GRIN2B: variants seen among roughly 807,000 people sequenced by gnomAD.
GRIN2B encodes the protein glutamate ionotropic receptor NMDA type subunit 2B.
GRIN2B carries 5 observed loss-of-function variants against 114.5 expected under a neutral mutation model. The ratio of observed to expected loss-of-function variants is 0.04; its 90% CI spans 0.02 to 0.09. GRIN2B has a LOEUF of 0.09. GRIN2B is among the 10% of genes least tolerant of loss of function. The pLI is 1.00. For missense variants in GRIN2B, 1,108 were observed against 1,943.5 expected, an observed-to-expected ratio of 0.57 and a Z score of 8.08; for synonymous variants, 787 against 745.1, an observed-to-expected ratio of 1.06 and a Z score of -0.92.
At chr12:13,715,964 C>T (rs1166883645) in intron 4 of GRIN2B, among the ~76,000 whole-genome samples, 1 of 151,866 alleles carries the variant, frequency 6.6e-6, no homozygotes, top group Admixed American at 6.6e-5. Context: ...GCTTACAACT[C>T]CCATAATATC....
At position 13,562,490 on chromosome 12, in the gene GRIN2B, C is replaced by T. The variant is rs199764468; in HGVS notation, c.*293G>A. On this transcript the variant is annotated 3_prime_UTR_variant, in exon 14 of 14. Transcript: ENST00000609686. ...AGGAGGAAGCCCGCATGCAGCCCTT[C>T]CTTTCTCCGCTCTACCCTCCCCTGC... 1.9e-4 allele frequency: 75 copies of T among 404,072 alleles called. No individual in the cohort carries two copies. Among genetic ancestry groups the T allele is most frequent in the Admixed American group, 1.6e-4 (4 of 25,156 alleles). The allele number at this position is 404,072 out of a possible 1,614,324, so 25.0% of individuals were successfully genotyped here. A position where few individuals can be genotyped will look rare whatever the true frequency, so the allele number is the denominator to read the frequency against.
At chr12:13,680,436 T>TTGTGTGTGTGTGTGTGTG (rs56755720) in intron 4 of GRIN2B, among the ~76,000 whole-genome samples, 20 of 123,570 alleles carry the variant, frequency 1.6e-4, no homozygotes, top group Admixed American at 1.3e-3. Context: ...CCCATCAAGG[T>TTGTGTGTGTGTGTGTGTG]TGTGTGTGTG....
In GRIN2B at chr12:13,575,673, CAAT is replaced by C. The variant is rs58985272; in HGVS notation, c.2011-3712_2011-3710del. 1.0e-4 allele frequency among the ~76,000 whole-genome samples: 15 copies of C among 147,680 alleles called. No homozygotes were observed. The South Asian group carries it at 1.1e-3, about 11-fold the overall frequency. On this transcript the variant is annotated intron_variant, in intron 10 of 13. Transcript: ENST00000609686. ...GACCCTGTCTCCAAAATGATAACAA[CAAT>C]AATAATAATAATAATAATAATCAAA... is the stretch of plus-strand genomic sequence containing the variant.
At position 13,616,467 on chromosome 12, in the gene GRIN2B, C is replaced by A. The variant is rs752720799; in HGVS notation, c.1316G>T (p.Arg439Leu). 3 of 1,612,702 alleles carry A rather than the reference C, an allele frequency of 1.9e-6. No individual in the cohort carries two copies. Among genetic ancestry groups the A allele is most frequent in the South Asian group, 1.1e-5 (1 of 91,054 alleles). ...GAGGATGCCATACTCAGTGACTATG[C>A]GTTTTTGGCAGGGGACTGTGTTCCT... ...CMRNTVPCQK[R>L]IVTENKTDEE... The change falls in exon 6 of 14, where the codon CGC becomes CTC. Residue 439 changes from arginine to leucine, a missense_variant. Arg to Leu is a moderately radical substitution (Grantham distance 102). Around this residue, in one of 19 missense-constraint regions of GRIN2B, gnomAD observed 26 missense variants for 23.5 expected, o/e 1.11. Transcript: ENST00000609686.
intron 2 of GRIN2B, among the ~76,000 whole-genome samples, chr12:13,914,327 C>T (rs1866674578): frequency 6.6e-6 from 1 of 152,122 alleles, no homozygotes; most frequent in Non-Finnish European, 1.5e-5. Context: ...GCCTCTTAGT[C>T]TCAGCTTTTT....
intron 5 of GRIN2B, among the ~76,000 whole-genome samples, chr12:13,644,773 T>A (rs1488031613): frequency 1.3e-5 from 2 of 152,202 alleles, no homozygotes; most frequent in Non-Finnish European, 2.9e-5. Context: ...TTTTATGTTA[T>A]GAACATGGCT....
At chr12:13,834,218 T>TTTTTTTTC (rs1565555844) in intron 3 of GRIN2B, among the ~76,000 whole-genome samples, 1 of 146,516 alleles carries the variant, frequency 6.8e-6, no homozygotes, top group African/African-American at 2.6e-5. Context: ...TTTTTTTTTT[T>TTTTTTTTC]AGTAGAGATG....
At chr12:13,842,456 A>G (rs971458016) in intron 3 of GRIN2B, among the ~76,000 whole-genome samples, 2 of 149,672 alleles carry the variant, frequency 1.3e-5, no homozygotes, top group African/African-American at 2.4e-5. Context: ...GCTCAAATTC[A>G]ATCTTCCTCA....
intron 5 of GRIN2B, among the ~76,000 whole-genome samples, chr12:13,657,312 G>A (rs1226059545): frequency 1.3e-5 from 2 of 152,280 alleles, no homozygotes; most frequent in East Asian, 1.9e-4. Context: ...GCTTTTCCAT[G>A]TTCTAAAAGC....
At chr12:13,688,394 T>G (rs1950188831) in intron 4 of GRIN2B, among the ~76,000 whole-genome samples, 1 of 152,150 alleles carries the variant, frequency 6.6e-6, no homozygotes, top group African/African-American at 2.4e-5. Context: ...CACACAGGCT[T>G]TTTACAGCCC....
At chr12:13,838,234 A>G (rs947946662) in intron 3 of GRIN2B, among the ~76,000 whole-genome samples, 7 of 152,300 alleles carry the variant, frequency 4.6e-5, no homozygotes, top group Admixed American at 3.9e-4. Flanking sequence ...TCTCCTCAAG[A>G]CAAAGCCTGA....
intron 2 of GRIN2B, among the ~76,000 whole-genome samples, chr12:13,881,888 T>G (rs908111991): frequency 6.6e-6 from 1 of 152,208 alleles, no homozygotes; most frequent in African/African-American, 2.4e-5. Context: ...GTGATGTGGC[T>G]TGACAGGAAC....
At chr12:13,741,068 G>A (rs1478215428) in intron 4 of GRIN2B, among the ~76,000 whole-genome samples, 1 of 152,114 alleles carries the variant, frequency 6.6e-6, no homozygotes, top group East Asian at 1.9e-4. Flanking sequence ...TTGCGATGGA[G>A]TCTCACTCTG....
chr12:13,964,800 A>T (rs1461347196), intron 2 of GRIN2B, among the ~76,000 whole-genome samples: 1 of 152,246 alleles, frequency 6.6e-6, no homozygotes, highest in Non-Finnish European at 1.5e-5. Flanking sequence ...CATGGACTTC[A>T]CAGGCTGTAA....
chr12:13,788,617 A>G (rs1358593119), intron 3 of GRIN2B, among the ~76,000 whole-genome samples: 1 of 152,188 alleles, frequency 6.6e-6, no homozygotes, highest in Non-Finnish European at 1.5e-5. Context: ...GCCCACTGGG[A>G]AAACAATTTC....
chr12:13,799,215 C>T (rs1470010886), intron 3 of GRIN2B, among the ~76,000 whole-genome samples: 2 of 152,170 alleles, frequency 1.3e-5, no homozygotes, highest in Non-Finnish European at 2.9e-5. Flanking sequence ...GTAACTGACA[C>T]TAATTAGCCC....
intron 5 of GRIN2B, among the ~76,000 whole-genome samples, chr12:13,647,501 T>A (rs1288280490): frequency 1.3e-5 from 2 of 152,092 alleles, no homozygotes; most frequent in African/African-American, 4.8e-5. Context: ...TGGATTACAA[T>A]ATGACTTCTG....
intron 5 of GRIN2B, among the ~76,000 whole-genome samples, chr12:13,649,631 G>T (rs1306444495): frequency 6.6e-6 from 1 of 151,954 alleles, no homozygotes; most frequent in Admixed American, 6.6e-5. Context: ...GATCACATGG[G>T]GTTAGGGTCC....
intron 3 of GRIN2B, among the ~76,000 whole-genome samples, chr12:13,776,693 T>A (rs536097716): frequency 1.1e-4 from 17 of 151,866 alleles, no homozygotes; most frequent in Non-Finnish European, 1.3e-4. Context: ...CGGGAATTAG[T>A]GGGGATTAGA....
Sources: allele counts gnomAD v4.1 joint callset (sites outside exome capture counted in the v4.1 genomes callset), GRCh38; gene constraint gnomAD v4.1.1; regional missense constraint gnomAD v4.1.1; transcripts MANE v1.5; gene names NCBI Gene and HGNC (gene_info 2026-07-23, HGNC 2026-07-21).